The following COL6A3 variants were observed in gnomAD, a reference collection of about 807,000 sequenced individuals.
COL6A3 encodes the protein collagen alpha-3(VI) chain.
In COL6A3, 137 loss-of-function variants were observed where a neutral mutation model predicts 274.1. That is an observed-to-expected ratio of 0.50 (90% confidence interval 0.44 to 0.58). The LOEUF (loss-of-function observed/expected upper bound fraction) is 0.58, where lower values mean the gene tolerates loss of function less well. Ranked by LOEUF, COL6A3 falls within the 20% of genes least tolerant of loss-of-function variation. The pLI, the probability that COL6A3 is intolerant of heterozygous loss-of-function variation, is 0.00. For missense variants in COL6A3, 3,950 were observed against 4,124.9 expected, an observed-to-expected ratio of 0.96 and a Z score of 1.16; for synonymous variants, 1,650 against 1,650.6, an observed-to-expected ratio of 1.00 and a Z score of 0.01.
chr2:237,324,649 G>C lies in COL6A3; in HGVS notation c.*125C>G, dbSNP rs1476195390. On this transcript the variant is annotated 3_prime_UTR_variant, in exon 44 of 44. Coordinates refer to ENST00000295550, the MANE Select transcript of COL6A3 (RefSeq NM_004369.4). ...CAGCAGGATGTTCCCTCCCGAGTTC[G>C]AGTGTAAATCAAAGCATGAAATGAT... 2 of 866,480 alleles carry C rather than the reference G, an allele frequency of 2.3e-6. No individual in the cohort carries two copies. Among genetic ancestry groups the C allele is most frequent in the Non-Finnish European group, 3.8e-6 (2 of 525,548 alleles). The allele number at this position is 866,480 out of a possible 1,614,324, so 53.7% of individuals were successfully genotyped here.
In COL6A3 at chr2:237,333,475, T is replaced by C. The variant is rs957608376; in HGVS notation, c.9303A>G (p.Thr3101=). The change falls in exon 42 of 44, where the codon ACA becomes ACG. Residue 3101 remains threonine (T), a synonymous_variant. Transcript: ENST00000295550. Reference sequence around the variant, plus strand: ...CTGTTTCAGTGAGAGCCAATGGTTCTGTGCTCACCATTAGATTGATGGTTG... The same window carrying C: ...CTGTTTCAGTGAGAGCCAATGGTTCCGTGCTCACCATTAGATTGATGGTTG... ...SSSTINLMVS[T]EPLALTETDI... 2 of 1,614,110 alleles carry C rather than the reference T, an allele frequency of 1.2e-6. No homozygotes were observed. The highest frequency in any genetic ancestry group is 1.7e-6 in the Non-Finnish European group (2 of 1,180,028).
At chr2:237,359,504 A>C (rs2077389521) in intron 17 of COL6A3, 116 bp from the exon 18 acceptor site, 2 of 1,070,750 alleles carry the variant, frequency 1.9e-6, no homozygotes, top group Non-Finnish European at 2.9e-6. Flanking sequence ...GCAGTGTCTG[A>C]AAATGTAATA....
At chr2:237,386,437 T>C (rs1012893652) in intron 4 of COL6A3, 67 of 152,370 alleles carry the variant, frequency 4.4e-4, no homozygotes, top group African/African-American at 1.4e-3. Flanking sequence ...TAAAGCAGTA[T>C]CTTATTACAA....
intron 24 of COL6A3, 31 bp from the exon 25 acceptor site, chr2:237,353,434 T>G (rs1159537350): frequency 1.3e-6 from 2 of 1,589,910 alleles, no homozygotes; most frequent in Middle Eastern, 1.7e-4. Flanking sequence ...CAGGGAGGAG[T>G]CAGGATGGTT....
intron 2 of COL6A3, 113 bp from the exon 3 acceptor site, chr2:237,395,317 C>A: frequency 9.3e-7 from 1 of 1,073,434 alleles, no homozygotes; most frequent in South Asian, 1.4e-5. Flanking sequence ...CTAAACACTT[C>A]ACACCTCACT....
At chr2:237,351,909 G>T (rs2077214720) in intron 26 of COL6A3, among the ~76,000 whole-genome samples, 1 of 152,178 alleles carries the variant, frequency 6.6e-6, no homozygotes, top group Admixed American at 6.5e-5. Context: ...CTCGTTACCA[G>T]TTTATTAGTC....
rs886043993 is a variant in COL6A3 at position 237,380,966 on chromosome 2, T to C, written c.1846A>G (p.Met616Val). 2.5e-6 allele frequency: 4 copies of C among 1,614,078 alleles called. No individual in the cohort carries two copies. The highest frequency in any genetic ancestry group is 2.7e-5 in the African/African-American group (2 of 74,964). Residue 616 changes from methionine to valine, a missense_variant, in exon 5 of 44, where the codon ATG becomes GTG. Transcript: ENST00000295550. Reference protein sequence around the residue: ...AEFRAAPLQGMLPGLLAPLRT... With the variant: ...AEFRAAPLQGVLPGLLAPLRT... ...AGAGGTGCCAGCAAGCCAGGCAGCA[T>C]GCCTTGCAATGGGGCGGCTCGGAAC...
intron 1 of COL6A3, among the ~76,000 whole-genome samples, chr2:237,398,069 C>T (rs775734435): frequency 8.5e-5 from 13 of 152,238 alleles, no homozygotes; most frequent in Non-Finnish European, 1.0e-4. Flanking sequence ...ATGGAGAGAA[C>T]GGGCTTTGCC....
In COL6A3 at chr2:237,365,855, G is replaced by A. The variant is rs376002858; in HGVS notation, c.5681C>T (p.Pro1894Leu). The A allele has an allele frequency of 5.1e-5, 82 of 1,614,072 alleles. No homozygotes were observed. The highest frequency in any genetic ancestry group is 1.6e-4 in the Middle Eastern group (1 of 6,084). Residue 1894 changes from proline to leucine, a missense_variant, in exon 12 of 44, where the codon CCC becomes CTC. Pro to Leu is a moderately conservative substitution (Grantham distance 98). Around this residue, in one of 5 missense-constraint regions of COL6A3, gnomAD observed 632 missense variants for 623.4 expected, o/e 1.01. Coordinates refer to ENST00000295550, the MANE Select transcript of COL6A3 (RefSeq NM_004369.4). ...TVRVSVVANTPSGPVEAFDFD... is the reference protein window; with the variant it reads ...TVRVSVVANTLSGPVEAFDFD... ...GTCAAAGGCCTCCACCGGGCCCGAG[G>A]GCGTGTTGGCCACCACTGACACACG...
chr2:237,348,085 G>T (rs2077131514), intron 30 of COL6A3, among the ~76,000 whole-genome samples: 2 of 152,210 alleles, frequency 1.3e-5, no homozygotes, highest in African/African-American at 4.8e-5. Context: ...TATCATGTAG[G>T]TTATAGCATT....
intron 9 of COL6A3, among the ~76,000 whole-genome samples, chr2:237,370,364 G>A (rs1347504745): frequency 2.0e-5 from 3 of 151,550 alleles, no homozygotes; most frequent in Non-Finnish European, 4.4e-5. Flanking sequence ...TCAGCCTCCC[G>A]AGTAGCTGGG....
At chr2:237,334,087 A>G (rs1700402918) in intron 41 of COL6A3, among the ~76,000 whole-genome samples, 1 of 152,226 alleles carries the variant, frequency 6.6e-6, no homozygotes, top group Admixed American at 6.5e-5. Flanking sequence ...TGCAGGCCTC[A>G]GTGAAATGGG....
intron 2 of COL6A3, among the ~76,000 whole-genome samples, chr2:237,396,358 A>G (rs1432201653): frequency 6.6e-6 from 1 of 152,200 alleles, no homozygotes; most frequent in Non-Finnish European, 1.5e-5. Context: ...TTTACTCTCA[A>G]TCATTGACTT....
At chr2:237,378,241 T>G (rs535466737) in intron 6 of COL6A3, among the ~76,000 whole-genome samples, 71 of 152,244 alleles carry the variant, frequency 4.7e-4, no homozygotes, top group Non-Finnish European at 8.7e-4. Flanking sequence ...TTAAAAATCA[T>G]GTAAAAATAC....
rs1212048474 is a variant in COL6A3, at chr2:237,339,067, A to T, written c.8515T>A (p.Phe2839Ile). 4.3e-6 allele frequency: 7 copies of T among 1,614,038 alleles called. No homozygotes were observed. Among genetic ancestry groups the T allele is most frequent in the Middle Eastern group, 1.6e-4 (1 of 6,084 alleles). Residue 2839 changes from phenylalanine to isoleucine, a missense_variant, in exon 39 of 44, where the codon TTC becomes ATC. Around this residue, in one of 5 missense-constraint regions of COL6A3, gnomAD observed 1,284 missense variants for 1,349.7 expected, o/e 0.95. Coordinates refer to ENST00000295550, the MANE Select transcript of COL6A3 (RefSeq NM_004369.4). The part of the protein sequence containing the change: ...SPDIRKQCDW[F>I]QGDQPTKNLV... Reference sequence around the variant, plus strand: ...TTCTTTGTGGGTTGGTCCCCTTGGAACCAATCACACTGTTTCCTGATATCT... The same window carrying T: ...TTCTTTGTGGGTTGGTCCCCTTGGATCCAATCACACTGTTTCCTGATATCT...
At chr2:237,383,668 C>A (rs1410355085) in intron 4 of COL6A3, among the ~76,000 whole-genome samples, 2 of 152,004 alleles carry the variant, frequency 1.3e-5, no homozygotes, top group Admixed American at 1.3e-4. Context: ...ATAACAATGA[C>A]CTGAGAAGCT....
At chr2:237,389,282 TG>T (rs2078230306) in intron 3 of COL6A3, among the ~76,000 whole-genome samples, 1 of 152,192 alleles carries the variant, frequency 6.6e-6, no homozygotes, top group African/African-American at 2.4e-5. Flanking sequence ...TGTTTAAATT[TG>T]GCTGATTTAA....
intron 4 of COL6A3, among the ~76,000 whole-genome samples, chr2:237,386,202 G>A (rs1380261252): frequency 6.6e-6 from 1 of 152,188 alleles, no homozygotes; most frequent in Non-Finnish European, 1.5e-5. Context: ...GTGGTGTGTT[G>A]CCTTTACATG....
chr2:237,388,258 C>T (rs2078204602), intron 3 of COL6A3, 74 bp from the exon 4 acceptor site: 1 of 1,593,914 alleles, frequency 6.3e-7, no homozygotes, highest in African/African-American at 1.3e-5. Context: ...AGTGTTCTGA[C>T]ATGTTTCTTT....
Sources: allele counts gnomAD v4.1 joint callset (sites outside exome capture counted in the v4.1 genomes callset), GRCh38; gene constraint gnomAD v4.1.1; regional missense constraint gnomAD v4.1.1; transcripts MANE v1.5; gene names NCBI Gene and HGNC (gene_info 2026-07-23, HGNC 2026-07-21).